The following QTGAL variants were observed in gnomAD, a reference collection of about 807,000 sequenced individuals.
QTGAL encodes the protein queuosine-tRNA galactosyltransferase.
chr17:83,027,328 A>C, the QTGAL span, among the ~76,000 whole-genome samples: 1 of 152,262 alleles, frequency 6.6e-6, no homozygotes, highest in African/African-American at 2.4e-5. Context: ...TTCACATGAA[A>C]AAAACTAACC....
chr17:82,974,403 C>T, the QTGAL span, among the ~76,000 whole-genome samples: 2 of 152,204 alleles, frequency 1.3e-5, no homozygotes, highest in African/African-American at 2.4e-5. Context: ...GTGGCTCAGT[C>T]TCAGCAGAAC....
the QTGAL span, chr17:82,942,312 T>G: frequency 7.9e-7 from 1 of 1,263,922 alleles, no homozygotes; most frequent in Non-Finnish European, 1.1e-6. Context: ...CTGCCGGGTG[T>G]GTGGGAAACG....
At chr17:82,947,070 G>C in the QTGAL span, 9 of 1,187,008 alleles carry the variant, frequency 7.6e-6, no homozygotes, top group African/African-American at 4.6e-5. Context: ...GGGGTTGGGG[G>C]TGGCCTGTGT....
chr17:82,957,577 C>T, the QTGAL span: 92 of 1,481,322 alleles, frequency 6.2e-5, no homozygotes, highest in Non-Finnish European at 8.2e-5. Context: ...ATGATGTGTG[C>T]TCAGCTCACG....
the QTGAL span, among the ~76,000 whole-genome samples, chr17:83,046,611 G>A: frequency 9.3e-4 from 142 of 152,300 alleles, no homozygotes; most frequent in African/African-American, 3.2e-3. Flanking sequence ...AAATTGGAAC[G>A]TTCATACATT....
chr17:82,961,267 G>GCCAA, the QTGAL span: 4 of 1,509,092 alleles, frequency 2.7e-6, no homozygotes, highest in African/African-American at 5.5e-5. Context: ...CGCTCAGCCG[G>GCCAA]CCAACCAGGA....
At chr17:83,048,615 G>A in the QTGAL span, 1 of 1,605,384 alleles carries the variant, frequency 6.2e-7, no homozygotes. Context: ...CCTCCGAACA[G>A]TCAACCGTTG....
the QTGAL span, among the ~76,000 whole-genome samples, chr17:83,025,667 C>CGCGGAGAGTCCACACACGGACACT: frequency 7.2e-6 from 1 of 139,504 alleles, no homozygotes; most frequent in African/African-American, 2.6e-5. Flanking sequence ...ACACGGACAC[C>CGCGGAGAGTCCACACACGGACACT]GCGGAGAGTC....
the QTGAL span, among the ~76,000 whole-genome samples, chr17:82,983,797 A>T: frequency 6.6e-6 from 1 of 152,244 alleles, no homozygotes; most frequent in African/African-American, 2.4e-5. Context: ...TGTGTGCCTC[A>T]GATTAACGGG....
chr17:82,980,676 G>C, the QTGAL span, among the ~76,000 whole-genome samples: 3 of 152,326 alleles, frequency 2.0e-5, no homozygotes, highest in East Asian at 1.9e-4. Context: ...AGGTATGGGG[G>C]AAGTGGTGTA....
the QTGAL span, among the ~76,000 whole-genome samples, chr17:82,956,104 A>G: frequency 1.3e-5 from 2 of 152,044 alleles, no homozygotes. This position sits in a 1 kb window ranked among gnomAD's most constrained non-coding sequence, Gnocchi z 5.7. Flanking sequence ...ACCATGGCAC[A>G]TGTAAACCTA....
At chr17:83,038,046 C>T in the QTGAL span, among the ~76,000 whole-genome samples, 23 of 152,076 alleles carry the variant, frequency 1.5e-4, no homozygotes, top group Middle Eastern at 3.4e-3. Flanking sequence ...TAGCAAGCGG[C>T]GACGTTATTA....
the QTGAL span, among the ~76,000 whole-genome samples, chr17:82,970,560 C>CGACCTCCCCACCCAGCGTGGACGT: frequency 2.3e-5 from 2 of 86,728 alleles, no homozygotes; most frequent in African/African-American, 1.2e-4. Context: ...GGCGTGGCCG[C>CGACCTCCCCACCCAGCGTGGACGT]GACCTCCGCA....
chr17:82,968,225 C>T, the QTGAL span, among the ~76,000 whole-genome samples: 3 of 152,170 alleles, frequency 2.0e-5, no homozygotes, highest in Admixed American at 6.5e-5. Flanking sequence ...TGTGTGTTCA[C>T]GGCAGCTCCA....
At chr17:82,968,583 G>A in the QTGAL span, among the ~76,000 whole-genome samples, 1 of 150,536 alleles carries the variant, frequency 6.6e-6, no homozygotes, top group African/African-American at 2.4e-5. Flanking sequence ...TGCACAGTGT[G>A]ACCCCACTTA....
chr17:82,991,321 T>TG, the QTGAL span, among the ~76,000 whole-genome samples: 1 of 152,188 alleles, frequency 6.6e-6, no homozygotes. Context: ...AAGGACCCAG[T>TG]GGGAGATAAC....
At chr17:82,970,302 T>C in the QTGAL span, among the ~76,000 whole-genome samples, 1 of 152,224 alleles carries the variant, frequency 6.6e-6, no homozygotes, top group Non-Finnish European at 1.5e-5. Flanking sequence ...TTCCAGCAAA[T>C]GTGAAACATC....
the QTGAL span, among the ~76,000 whole-genome samples, chr17:82,989,495 TAA>T: frequency 0.42 from 51,507 of 122,672 alleles, 10,613 homozygotes; most frequent in African/African-American, 0.6. Flanking sequence ...ATTCTGGAAC[TAA>T]AAAAAAAAAA....
the QTGAL span, among the ~76,000 whole-genome samples, chr17:83,018,817 C>T: frequency 2.0e-5 from 3 of 152,308 alleles, no homozygotes; most frequent in Middle Eastern, 3.4e-3. Flanking sequence ...TCAGCGGCGA[C>T]GCTGGCAGGG....
Sources: gnomAD v4.1 joint callset for allele counts (sites outside exome capture counted in the v4.1 genomes callset) on GRCh38, gnomAD v4.1.1 for gene constraint, Gnocchi (gnomAD v3.1) non-coding constraint, MANE v1.5 for transcripts, NCBI Gene and HGNC (gene_info 2026-07-23, HGNC 2026-07-21) for gene names.